XKR6: variants seen among roughly 807,000 people sequenced by gnomAD.
XKR6 encodes XK-related protein 6.
XKR6 carries 22 observed loss-of-function variants against 56.7 expected under a neutral mutation model. The ratio of observed to expected loss-of-function variants is 0.39; its 90% CI spans 0.28 to 0.55. XKR6 has a LOEUF of 0.55. XKR6 is among the 20% of genes least tolerant of loss of function. XKR6 has a pLI of 0.66. For synonymous variants in XKR6, 524 were observed against 387.8 expected (o/e 1.35, Z -4.13); for missense variants, 852 against 889.0 (o/e 0.96, Z 0.53).
intron 1 of XKR6, among the ~76,000 whole-genome samples, chr8:10,992,291 AC>A (rs1798011448): frequency 2.0e-5 from 3 of 151,838 alleles, no homozygotes; most frequent in African/African-American, 7.3e-5. Flanking sequence ...TCTCTCTCAC[AC>A]ACACACACAC....
At chr8:10,955,984 G>A (rs1801874701) in intron 1 of XKR6, among the ~76,000 whole-genome samples, 1 of 152,220 alleles carries the variant, frequency 6.6e-6, no homozygotes, top group African/African-American at 2.4e-5. Context: ...GTGAGGGCAA[G>A]ACAACAGAAA....
chr8:11,184,400 C>T (rs1310430775), intron 1 of XKR6, among the ~76,000 whole-genome samples: 8 of 75,524 alleles, frequency 1.1e-4, no homozygotes, highest in African/African-American at 2.6e-4. Flanking sequence ...CACACACACA[C>T]ACACACACAC....
rs1039431676 is a variant in XKR6 at position 11,026,141 on chromosome 8, G to A, written c.765-101311C>T. ...GAGTTACACATGCCTAGATGGTGTC[G>A]CCTACTACACACCTACGACACACCT... On this transcript the variant is annotated intron_variant, in intron 1 of 2. Transcript: ENST00000416569. 5.9e-5 allele frequency among the ~76,000 whole-genome samples: 9 copies of A among 151,692 alleles called. 1 individual carries two copies. Among genetic ancestry groups the A allele is most frequent in the Non-Finnish European group, 8.8e-5 (6 of 67,990 alleles).
chr8:10,991,034 A>G (rs4841469), intron 1 of XKR6, among the ~76,000 whole-genome samples: 61,330 of 151,310 alleles, frequency 0.41, 14,674 homozygotes, highest in African/African-American at 0.66. Flanking sequence ...CTCCTGAGTA[A>G]CTGGGATTAC....
At chr8:10,903,668 G>C (rs1456844432) in intron 2 of XKR6, among the ~76,000 whole-genome samples, 1 of 152,082 alleles carries the variant, frequency 6.6e-6, no homozygotes, top group African/African-American at 2.4e-5. Flanking sequence ...TGGAAATTAG[G>C]ACACAGGTAC....
intron 1 of XKR6, chr8:11,062,598 T>G (rs1232073080): frequency 2.7e-6 from 1 of 372,298 alleles, no homozygotes; most frequent in African/African-American, 2.1e-5. Flanking sequence ...AAGGGAGAGC[T>G]TCTAGTTAAA....
In XKR6 at chr8:10,896,962, C is replaced by T. The variant is rs565656604; in HGVS notation, c.*990G>A. 3 of 152,502 alleles carry T rather than the reference C, an allele frequency of 2.0e-5. No homozygotes were observed. Among genetic ancestry groups the T allele is most frequent in the African/African-American group, 7.2e-5 (3 of 41,394 alleles). The allele number at this position is 152,502 out of a possible 1,614,324, so 9.4% of individuals were successfully genotyped here. On this transcript the variant is annotated 3_prime_UTR_variant, in exon 3 of 3. Coordinates refer to ENST00000416569, the MANE Select transcript of XKR6 (RefSeq NM_173683.4). ...AAGTATTGTGCCTTTAAACTGATGT[C>T]GTTCTTTTTGCTACTATGCTGAGTT...
chr8:11,132,648 C>G (rs1229496766), intron 1 of XKR6, among the ~76,000 whole-genome samples: 1 of 152,038 alleles, frequency 6.6e-6, no homozygotes, highest in African/African-American at 2.4e-5. Context: ...ACGTACGAGC[C>G]ACCGCGTCTG....
intron 1 of XKR6, chr8:11,108,028 C>G: frequency 9.3e-6 from 3 of 322,574 alleles, no homozygotes; most frequent in South Asian, 2.5e-5. Flanking sequence ...CGATGCGCCT[C>G]TCAGCGAGGC....
chr8:11,034,690 C>G (rs897044608), intron 1 of XKR6, among the ~76,000 whole-genome samples: 1 of 152,158 alleles, frequency 6.6e-6, no homozygotes, highest in African/African-American at 2.4e-5. Flanking sequence ...ACTGTCAGGC[C>G]CCTGCTGGGA....
intron 1 of XKR6, among the ~76,000 whole-genome samples, chr8:11,121,845 C>G (rs1334649118): frequency 6.6e-6 from 1 of 152,176 alleles, no homozygotes; most frequent in African/African-American, 2.4e-5. Context: ...CAATGGAATA[C>G]TATGCAGCCA....
chr8:11,157,056 G>C (rs748120628), intron 1 of XKR6, among the ~76,000 whole-genome samples: 1 of 152,184 alleles, frequency 6.6e-6, no homozygotes, highest in Non-Finnish European at 1.5e-5. Flanking sequence ...CTTCACCTCT[G>C]GGGTATTGTT....
At chr8:11,097,579 G>A (rs1418872104) in intron 1 of XKR6, among the ~76,000 whole-genome samples, 1 of 151,748 alleles carries the variant, frequency 6.6e-6, no homozygotes, top group African/African-American at 2.4e-5. Flanking sequence ...AGGCCGGGGT[G>A]GGCGTATCAA....
At chr8:11,018,354 C>T (rs533643797) in intron 1 of XKR6, among the ~76,000 whole-genome samples, 61 of 152,356 alleles carry the variant, frequency 4.0e-4, no homozygotes, top group African/African-American at 1.4e-3. Context: ...AGCTCCTCAC[C>T]TGCAGAGATA....
intron 1 of XKR6, among the ~76,000 whole-genome samples, chr8:10,937,497 T>G (rs1408381626): frequency 1.3e-5 from 2 of 149,070 alleles, no homozygotes; most frequent in Non-Finnish European, 3.0e-5. Flanking sequence ...GAGTTTCCAG[T>G]TTTTCTGTTC....
chr8:11,150,686 C>T (rs934907819), intron 1 of XKR6, among the ~76,000 whole-genome samples: 1 of 151,918 alleles, frequency 6.6e-6, no homozygotes, highest in African/African-American at 2.4e-5. Flanking sequence ...AACCCCGTCT[C>T]TACTAAAAAT....
At chr8:11,097,873 GT>G (rs34606632) in intron 1 of XKR6, among the ~76,000 whole-genome samples, 71,194 of 146,352 alleles carry the variant, frequency 0.49, 18,566 homozygotes, top group African/African-American at 0.65. Context: ...AAATTCTACA[GT>G]TTTTTTTTTT....
chr8:10,939,470 C>T (rs372686507), intron 1 of XKR6, among the ~76,000 whole-genome samples: 4 of 152,224 alleles, frequency 2.6e-5, no homozygotes, highest in African/African-American at 7.2e-5. Flanking sequence ...GAGACCCAGG[C>T]CCCTGGGGAC....
At chr8:10,990,445 A>G (rs570208952) in intron 1 of XKR6, among the ~76,000 whole-genome samples, 1 of 152,248 alleles carries the variant, frequency 6.6e-6, no homozygotes, top group East Asian at 1.9e-4. Context: ...TGTTATTTCC[A>G]CACCGGCAGT....
Sources: allele counts gnomAD v4.1 joint callset (sites outside exome capture counted in the v4.1 genomes callset), GRCh38; gene constraint gnomAD v4.1.1; transcripts MANE v1.5; gene names NCBI Gene and HGNC (gene_info 2026-07-23, HGNC 2026-07-21).